PAN3: variants seen among roughly 807,000 people sequenced by gnomAD.
PAN3 encodes the protein poly(A) specific ribonuclease subunit PAN3.
In PAN3, 19 loss-of-function variants were observed where a neutral mutation model predicts 96.2. The ratio of observed to expected loss-of-function variants is 0.20; its 90% confidence interval spans 0.14 to 0.29. The LOEUF (loss-of-function observed/expected upper bound fraction) is 0.29, where lower values mean the gene tolerates loss of function less well. Ranked by LOEUF, PAN3 falls within the 10% of genes least tolerant of loss-of-function variation. The pLI is 1.00. For missense variants in PAN3, 882 were observed against 1,108.1 expected (o/e 0.80, Z 2.90); for synonymous variants, 433 against 406.6 (o/e 1.06, Z -0.78).
chr13:28,248,938 AT>A (rs1566226485), intron 6 of PAN3, among the ~76,000 whole-genome samples: 2 of 151,970 alleles, frequency 1.3e-5, no homozygotes, highest in African/African-American at 4.8e-5. Flanking sequence ...ATTGGCAAAT[AT>A]TTTTTTCAAC....
intron 5 of PAN3, chr13:28,215,703 G>C (rs935678835): frequency 7.3e-5 from 109 of 1,489,168 alleles, no homozygotes; most frequent in Non-Finnish European, 9.4e-5. Context: ...GTCTGGTGAT[G>C]CCGCCATTGT....
intron 10 of PAN3, 56 bp downstream of exon 10, chr13:28,266,932 C>G (rs1441348137): frequency 7.1e-7 from 1 of 1,401,562 alleles, no homozygotes; most frequent in Non-Finnish European, 9.5e-7. Context: ...TAAGATTATT[C>G]AAACCTTCTT....
intron 9 of PAN3, among the ~76,000 whole-genome samples, chr13:28,263,767 A>G (rs945298034): frequency 2.0e-5 from 3 of 152,236 alleles, no homozygotes; most frequent in Non-Finnish European, 4.4e-5. Flanking sequence ...TAAAATATAA[A>G]TGAGTGTATT....
chr13:28,172,649 T>C lies in PAN3; in HGVS notation c.431-1623T>C, dbSNP rs115121912. ...TTGCTGAAATATTTTAAACATATCCTGGACATTAGTTACCATGACTTTGAA... is the reference window on the plus strand; with the variant it reads ...TTGCTGAAATATTTTAAACATATCCCGGACATTAGTTACCATGACTTTGAA... On this transcript the variant is annotated intron_variant, in intron 1 of 18. Transcript: ENST00000380958. Among the ~76,000 whole-genome samples, 1,258 of 152,306 alleles carry C rather than the reference T, an allele frequency of 8.3e-3. 25 individuals carry two copies. The highest frequency in any genetic ancestry group is 0.029 in the African/African-American group (1,190 of 41,554).
chr13:28,188,027 CTA>C lies in PAN3; in HGVS notation c.691-9156_691-9155del, dbSNP rs376717747. Among the ~76,000 whole-genome samples, 650 of 152,278 alleles carry C rather than the reference CTA, an allele frequency of 4.3e-3. 3 individuals are homozygous for C. Among genetic ancestry groups the C allele is most frequent in the African/African-American group, 0.015 (613 of 41,556 alleles). ...GATTTAAATGACACTTTAAAATGAT[CTA>C]TGTTTTATTAATCAGAACATCTTTA... On this transcript the variant is annotated intron_variant, in intron 4 of 18. Coordinates refer to ENST00000380958, the MANE Select transcript of PAN3 (RefSeq NM_175854.8).
chr13:28,146,300 GTCTCTC>G (rs71086834), intron 1 of PAN3, among the ~76,000 whole-genome samples: 105 of 143,506 alleles, frequency 7.3e-4, no homozygotes, highest in African/African-American at 1.9e-3. Flanking sequence ...CTCTTTCTCT[GTCTCTC>G]TCTCTCTCTC....
At chr13:28,282,813 A>G (rs552139300) in intron 17 of PAN3, among the ~76,000 whole-genome samples, 6 of 152,014 alleles carry the variant, frequency 3.9e-5, no homozygotes, top group Admixed American at 3.3e-4. Context: ...TCCCTTCAGT[A>G]TTATCTGGGA....
chr13:28,178,136 T>G (rs1364048164), intron 4 of PAN3, among the ~76,000 whole-genome samples: 1 of 152,146 alleles, frequency 6.6e-6, no homozygotes, highest in African/African-American at 2.4e-5. Flanking sequence ...AATAGAGATT[T>G]TGTGTGAAGG....
intron 1 of PAN3, among the ~76,000 whole-genome samples, chr13:28,152,600 CAAA>C (rs971899614): frequency 1.1e-4 from 17 of 149,966 alleles, no homozygotes; most frequent in African/African-American, 3.9e-4. Flanking sequence ...AACCAAAAAA[CAAA>C]AAAAAATGTG....
At chr13:28,253,531 T>G (rs900496062) in intron 6 of PAN3, among the ~76,000 whole-genome samples, 2 of 152,190 alleles carry the variant, frequency 1.3e-5, no homozygotes, top group Non-Finnish European at 2.9e-5. Context: ...CCTATTATCC[T>G]TATTGGCGGG....
At chr13:28,264,395 C>T (rs1225734717) in intron 9 of PAN3, among the ~76,000 whole-genome samples, 1 of 152,054 alleles carries the variant, frequency 6.6e-6, no homozygotes, top group Non-Finnish European at 1.5e-5. Context: ...AAAAATTAGC[C>T]AGGCGTGGTG....
chr13:28,287,247 A>G (rs1218910589), intron 17 of PAN3, among the ~76,000 whole-genome samples: 1 of 152,226 alleles, frequency 6.6e-6, no homozygotes, highest in Non-Finnish European at 1.5e-5. Flanking sequence ...CATAAATTTA[A>G]TGTTATACAT....
chr13:28,185,338 T>C (rs1221615776), intron 4 of PAN3, among the ~76,000 whole-genome samples: 1 of 152,212 alleles, frequency 6.6e-6, no homozygotes, highest in African/African-American at 2.4e-5. Flanking sequence ...TGACTTTTCT[T>C]TCCTGCTAAG....
At chr13:28,268,712 G>A (rs1886378279) in intron 12 of PAN3, among the ~76,000 whole-genome samples, 1 of 151,962 alleles carries the variant, frequency 6.6e-6, no homozygotes, top group South Asian at 2.1e-4. Flanking sequence ...AAGAGGAGGG[G>A]AGAAAGATTT....
chr13:28,170,198 G>A (rs1448899287), intron 1 of PAN3, among the ~76,000 whole-genome samples: 1 of 152,122 alleles, frequency 6.6e-6, no homozygotes, highest in Non-Finnish European at 1.5e-5. Flanking sequence ...TCAAAGTTGT[G>A]TATCTGAAAG....
intron 2 of PAN3, 74 bp downstream of exon 2, chr13:28,174,467 A>T: frequency 6.8e-7 from 1 of 1,481,170 alleles, no homozygotes; most frequent in Non-Finnish European, 9.1e-7. Context: ...GTCTTCATTT[A>T]TTCCTACATT....
At position 28,139,069 on chromosome 13, in the gene PAN3, G is replaced by A. The variant is rs1316549206; in HGVS notation, c.412G>A (p.Asp138Asn). Residue 138 changes from aspartate (D) to asparagine (N), a missense_variant, in exon 1 of 19, where the codon GAT (aspartate) becomes AAT (asparagine). Physicochemically the swap from Asp to Asn is conservative, Grantham distance 23. Transcript: ENST00000380958. Reference protein sequence around the residue: ...AGGGGSSGGLDGPRLAIPGMD... With the variant: ...AGGGGSSGGLNGPRLAIPGMD... Reference sequence around the variant, plus strand: ...CGGAGGAGGCAGTAGCGGGGGACTCGATGGACCGCGGCTGGCAAGTGAGTG... The same window carrying A: ...CGGAGGAGGCAGTAGCGGGGGACTCAATGGACCGCGGCTGGCAAGTGAGTG... The A allele has an allele frequency of 7.9e-7, 1 of 1,271,586 alleles. No homozygotes were observed. Among genetic ancestry groups the A allele is most frequent in the Non-Finnish European group, 9.9e-7 (1 of 1,009,940 alleles). 78.8% of individuals were successfully genotyped at this position (1,271,586 alleles called of 1,614,324 possible). A position where few individuals can be genotyped will look rare whatever the true frequency, so the allele number is the denominator to read the frequency against.
chr13:28,208,680 AT>A (rs1879667987), intron 5 of PAN3, among the ~76,000 whole-genome samples: 1 of 152,050 alleles, frequency 6.6e-6, no homozygotes, highest in African/African-American at 2.4e-5. Flanking sequence ...CAGATTTCAG[AT>A]TTTCTGATTA....
chr13:28,219,082 G>A (rs1881113071), intron 5 of PAN3, among the ~76,000 whole-genome samples: 1 of 152,136 alleles, frequency 6.6e-6, no homozygotes. Context: ...TCAAGGAATT[G>A]GCCATCTGTT....
Sources: allele counts gnomAD v4.1 joint callset (sites outside exome capture counted in the v4.1 genomes callset), GRCh38; gene constraint gnomAD v4.1.1; transcripts MANE v1.5; gene names NCBI Gene and HGNC (gene_info 2026-07-23, HGNC 2026-07-21).